Variants in WDR72 observed in about 807,000 individuals in gnomAD.
WDR72 encodes the protein WD repeat-containing protein 72.
WDR72 carries 120 observed loss-of-function variants against 124.2 expected under a neutral mutation model. The observed-to-expected ratio is 0.97, with a 90% confidence interval of 0.83 to 1.12. WDR72 has a LOEUF of 1.12. Ranked by LOEUF, WDR72 falls within the 50% of genes most tolerant of loss-of-function variation. The probability of loss-of-function intolerance (pLI) is 0.00; values close to 1 mark genes in which losing one functional copy is unlikely to be tolerated. For synonymous variants in WDR72, 452 were observed against 441.7 expected (o/e 1.02, Z -0.29); for missense variants, 1,387 against 1,278.8 (o/e 1.08, Z -1.29).
intron 1 of WDR72, among the ~76,000 whole-genome samples, chr15:53,740,242 C>A (rs2018470897): frequency 6.6e-6 from 1 of 151,962 alleles, no homozygotes; most frequent in Non-Finnish European, 1.5e-5. Flanking sequence ...TCCTTACTTA[C>A]GTAGCATATT....
At chr15:53,572,423 GC>G (rs11291915) in intron 18 of WDR72, among the ~76,000 whole-genome samples, 108,285 of 151,682 alleles carry the variant, frequency 0.71, 39,094 homozygotes, top group Middle Eastern at 0.85. Flanking sequence ...ATATTTTTTT[GC>G]CCTACCTATG....
intron 19 of WDR72, among the ~76,000 whole-genome samples, chr15:53,520,930 C>T (rs1210858287): frequency 6.6e-6 from 1 of 152,078 alleles, no homozygotes; most frequent in Non-Finnish European, 1.5e-5. Context: ...ATCTTTCTTA[C>T]TAAACAAGCA....
chr15:53,613,713 C>T lies in WDR72; in HGVS notation c.2825G>A (p.Gly942Glu), dbSNP rs1330592556. 3 of 1,610,994 alleles carry T rather than the reference C, an allele frequency of 1.9e-6. No individual in the cohort carries two copies. The highest frequency in any genetic ancestry group is 2.5e-6 in the Non-Finnish European group (3 of 1,178,354). ...GCTTGACATATTTAAAATGTCATTC[C>T]CAGCACCTCTCATCTTATTATGTAT... The part of the protein sequence containing the change: ...ESIHNKMRGA[G>E]NDILNMSSFY... Residue 942 changes from glycine (G) to glutamate (E), a missense_variant, in exon 16 of 20, where the codon GGG (glycine) becomes GAG (glutamate). By Grantham distance (98) the Gly-to-Glu change is moderately conservative (BLOSUM62 -2). Coordinates refer to ENST00000360509, the MANE Select transcript of WDR72 (RefSeq NM_182758.4).
At chr15:53,590,698 T>C (rs2012451777) in intron 18 of WDR72, among the ~76,000 whole-genome samples, 1 of 152,160 alleles carries the variant, frequency 6.6e-6, no homozygotes, top group Admixed American at 6.6e-5. Context: ...CTGCCACTTG[T>C]TGGAAATAAG....
chr15:53,715,504 C>G, intron 4 of WDR72, 137 bp from the exon 5 acceptor site: 1 of 1,024,986 alleles, frequency 9.8e-7, no homozygotes, highest in Non-Finnish European at 1.5e-6. Flanking sequence ...ACTAAAATTT[C>G]TCTTAGTTCA....
intron 18 of WDR72, among the ~76,000 whole-genome samples, chr15:53,592,897 A>C (rs1038655131): frequency 6.6e-6 from 1 of 152,160 alleles, no homozygotes; most frequent in African/African-American, 2.4e-5. Context: ...TATTAAAGAG[A>C]TTCAAGGAAG....
At chr15:53,654,274 A>G (rs2140432469) in intron 14 of WDR72, among the ~76,000 whole-genome samples, 1 of 152,286 alleles carries the variant, frequency 6.6e-6, no homozygotes, top group East Asian at 1.9e-4. Flanking sequence ...ACATAACGAG[A>G]CTTTCGTAGA....
chr15:53,691,608 C>G (rs1174880243), intron 13 of WDR72, among the ~76,000 whole-genome samples: 2 of 38,998 alleles, frequency 5.1e-5, no homozygotes, highest in Non-Finnish European at 1.5e-4. Flanking sequence ...GATAGACAGA[C>G]AGACAGACAG....
At chr15:53,699,659 A>C in intron 13 of WDR72, 91 bp downstream of exon 13, 1 of 1,396,634 alleles carries the variant, frequency 7.2e-7, no homozygotes, top group Non-Finnish European at 1.0e-6. Context: ...AAGTGAGGTC[A>C]TCACCGTGTC....
chr15:53,685,223 C>T (rs1159574132), intron 13 of WDR72, among the ~76,000 whole-genome samples: 150 of 146,978 alleles, frequency 1.0e-3, no homozygotes, highest in African/African-American at 3.2e-3. Context: ...ATGACTTTGA[C>T]GAGCTGAGAG....
At chr15:53,573,837 C>G (rs147902201) in intron 18 of WDR72, among the ~76,000 whole-genome samples, 1 of 152,208 alleles carries the variant, frequency 6.6e-6, no homozygotes, top group Admixed American at 6.5e-5. Context: ...TGAGCCACGG[C>G]GCCCAGCCAA....
chr15:53,599,442 C>G (rs73408216), intron 17 of WDR72, among the ~76,000 whole-genome samples: 1 of 151,962 alleles, frequency 6.6e-6, no homozygotes, highest in African/African-American at 2.4e-5. Flanking sequence ...CTTTGACAAG[C>G]CACAAACTTC....
At chr15:53,633,205 C>A (rs1188572542) in intron 14 of WDR72, among the ~76,000 whole-genome samples, 1 of 152,136 alleles carries the variant, frequency 6.6e-6, no homozygotes, top group Admixed American at 6.6e-5. Context: ...AATAGTTTAG[C>A]ACCATGCCCC....
At chr15:53,724,585 A>G (rs540061480) in intron 2 of WDR72, among the ~76,000 whole-genome samples, 2 of 152,154 alleles carry the variant, frequency 1.3e-5, no homozygotes, top group East Asian at 3.9e-4. Flanking sequence ...CTTTTAAACC[A>G]TAGGATCTCG....
chr15:53,729,773 C>T (rs1349330131), intron 2 of WDR72, among the ~76,000 whole-genome samples: 1 of 151,942 alleles, frequency 6.6e-6, no homozygotes, highest in African/African-American at 2.4e-5. Context: ...CAGGATACCA[C>T]TTAACACCCA....
chr15:53,726,721 G>C (rs2018049726), intron 2 of WDR72, among the ~76,000 whole-genome samples: 1 of 151,948 alleles, frequency 6.6e-6, no homozygotes, highest in African/African-American at 2.4e-5. Context: ...GCGCACATCT[G>C]TGATCCCAGC....
intron 14 of WDR72, among the ~76,000 whole-genome samples, chr15:53,641,848 G>A (rs2140413099): frequency 6.6e-6 from 1 of 151,424 alleles, no homozygotes; most frequent in East Asian, 1.9e-4. Flanking sequence ...TGTTTTATTA[G>A]GTTTTCTGAT....
At chr15:53,701,936 G>A (rs1476848028) in intron 12 of WDR72, among the ~76,000 whole-genome samples, 198 bp downstream of exon 12, 1 of 152,066 alleles carries the variant, frequency 6.6e-6, no homozygotes. Context: ...TCCGTCTAAT[G>A]TAAGTTATAA....
chr15:53,677,199 C>T (rs577250429), intron 13 of WDR72, among the ~76,000 whole-genome samples: 1 of 152,216 alleles, frequency 6.6e-6, no homozygotes, highest in South Asian at 2.1e-4. Flanking sequence ...GGATTACAGA[C>T]GTGAGCCACC....
Sources: gnomAD v4.1 joint callset for allele counts (sites outside exome capture counted in the v4.1 genomes callset) on GRCh38, gnomAD v4.1.1 for gene constraint, MANE v1.5 for transcripts, NCBI Gene and HGNC (gene_info 2026-07-23, HGNC 2026-07-21) for gene names.